SLC9B1: variants seen among roughly 807,000 people sequenced by gnomAD.
SLC9B1 encodes the protein sodium/hydrogen exchanger 9B1.
Under a neutral mutation model 51.7 loss-of-function variants are expected in SLC9B1, and 32 were observed. The ratio of observed to expected loss-of-function variants is 0.62; its 90% confidence interval spans 0.47 to 0.83. The LOEUF (loss-of-function observed/expected upper bound fraction) is 0.83, where lower values mean the gene tolerates loss of function less well. SLC9B1 is among the 40% of genes least tolerant of loss of function. The pLI is 0.00. For synonymous variants in SLC9B1, 145 were observed against 212.7 expected (o/e 0.68, Z 2.77); for missense variants, 406 against 613.2 (o/e 0.66, Z 3.57).
chr4:103,016,134 CAAAAA>C (rs61227731), intron 1 of SLC9B1, among the ~76,000 whole-genome samples: 3 of 49,638 alleles, frequency 6.0e-5, no homozygotes, highest in Non-Finnish European at 1.0e-4. Context: ...AACTCTGTCT[CAAAAA>C]AAAAAAAAAA....
intron 7 of SLC9B1, among the ~76,000 whole-genome samples, chr4:102,928,210 G>C (rs1736284945): frequency 6.6e-6 from 1 of 152,104 alleles, no homozygotes; most frequent in Admixed American, 6.6e-5. Flanking sequence ...CTGTACCCTA[G>C]AACTTAAGGT....
Position 102,949,392 on chromosome 4 carries a change from A to C in SLC9B1, c.247T>G (p.Ser83Ala). The stretch of plus-strand genomic sequence containing the variant: ...GGGAGAGCTTCAGAGCCTAAGATTG[A>C]CCAGGTCATACACCATATCACAAAC... Reference protein sequence around the residue: ...ILFVIWCMTWSILGSEALPGG... With the variant: ...ILFVIWCMTWAILGSEALPGG... Residue 83 changes from serine (S) to alanine (A), a missense_variant, in exon 4 of 12, where the codon TCA becomes GCA. Ser to Ala is a moderately conservative substitution (Grantham distance 99). Coordinates refer to ENST00000296422, the MANE Select transcript of SLC9B1 (RefSeq NM_139173.4). 2 of 1,608,976 alleles carry C rather than the reference A, an allele frequency of 1.2e-6. No individual in the cohort carries two copies. Among genetic ancestry groups the C allele is most frequent in the Non-Finnish European group, 1.7e-6 (2 of 1,178,772 alleles).
chr4:102,982,559 A>T (rs921194734), intron 3 of SLC9B1, among the ~76,000 whole-genome samples: 2 of 152,074 alleles, frequency 1.3e-5, no homozygotes, highest in African/African-American at 4.8e-5. Flanking sequence ...TCTTTTATTT[A>T]TTTCATCAGA....
intron 1 of SLC9B1, among the ~76,000 whole-genome samples, chr4:103,015,944 A>G (rs1741294406): frequency 1.3e-5 from 2 of 151,898 alleles, no homozygotes; most frequent in African/African-American, 4.8e-5. Context: ...CAGCCTGGCC[A>G]TGGTAAAACC....
chr4:103,007,573 T>C (rs1174850085), intron 1 of SLC9B1, among the ~76,000 whole-genome samples: 2 of 151,070 alleles, frequency 1.3e-5, no homozygotes, highest in African/African-American at 4.9e-5. Flanking sequence ...TCTTGGGTAA[T>C]TTACAATCTC....
chr4:102,970,551 C>T (rs181945148), intron 3 of SLC9B1, among the ~76,000 whole-genome samples: 123 of 152,230 alleles, frequency 8.1e-4, no homozygotes, highest in Non-Finnish European at 1.5e-3. Flanking sequence ...TTATAAAGAC[C>T]ATCGATCCTA....
chr4:102,934,422 G>C (rs1430812838), intron 6 of SLC9B1, among the ~76,000 whole-genome samples: 1 of 152,168 alleles, frequency 6.6e-6, no homozygotes, highest in Non-Finnish European at 1.5e-5. Context: ...ATGGTGTTGA[G>C]ATAACTATTT....
intron 7 of SLC9B1, among the ~76,000 whole-genome samples, chr4:102,927,305 G>A (rs1736234011): frequency 1.3e-5 from 2 of 152,134 alleles, no homozygotes; most frequent in Non-Finnish European, 2.9e-5. Context: ...CCATCAGAGT[G>A]AACCAGGCAA....
chr4:102,988,681 A>G (rs1416584531), intron 3 of SLC9B1, among the ~76,000 whole-genome samples: 2 of 152,120 alleles, frequency 1.3e-5, no homozygotes, highest in African/African-American at 4.8e-5. Context: ...TTCAAAAAAG[A>G]GAGTGCAAGA....
chr4:102,989,079 G>A lies in SLC9B1; in HGVS notation c.211+721C>T, dbSNP rs548287800. Among the ~76,000 whole-genome samples the A allele has an allele frequency of 2.6e-5, 4 of 151,802 alleles. No individual in the cohort carries two copies. In the East Asian group the frequency reaches 5.8e-4, roughly 22 times the overall value. The stretch of plus-strand genomic sequence containing the variant: ...GATTCAAGGCCATCAATATACTGAC[G>A]TAAATTAAAAAGCAACCTTTACTAA... On this transcript the variant is annotated intron_variant, in intron 3 of 11. Coordinates refer to ENST00000296422, the MANE Select transcript of SLC9B1 (RefSeq NM_139173.4).
At chr4:103,018,671 G>A (rs1458989185) in intron 1 of SLC9B1, among the ~76,000 whole-genome samples, 1 of 151,698 alleles carries the variant, frequency 6.6e-6, no homozygotes. Flanking sequence ...TAGAGGGGGA[G>A]TGAGGGACCT....
At chr4:102,986,845 T>C (rs1385713247) in intron 3 of SLC9B1, among the ~76,000 whole-genome samples, 5 of 152,220 alleles carry the variant, frequency 3.3e-5, no homozygotes, top group African/African-American at 9.6e-5. Flanking sequence ...CTGTTTATAA[T>C]ACTCATCTGT....
At chr4:102,893,711 G>T (rs1286895055) in intron 11 of SLC9B1, among the ~76,000 whole-genome samples, 1 of 152,074 alleles carries the variant, frequency 6.6e-6, no homozygotes, top group Non-Finnish European at 1.5e-5. Flanking sequence ...ATCACTTAAG[G>T]TCAGGAGTTC....
At chr4:103,005,466 T>G (rs1160060588) in intron 1 of SLC9B1, among the ~76,000 whole-genome samples, 1 of 152,056 alleles carries the variant, frequency 6.6e-6, no homozygotes, top group Non-Finnish European at 1.5e-5. Flanking sequence ...AATAAGTTCT[T>G]AAAGACCTAT....
At chr4:102,981,880 T>C (rs1164377325) in intron 3 of SLC9B1, among the ~76,000 whole-genome samples, 2 of 152,148 alleles carry the variant, frequency 1.3e-5, no homozygotes, top group South Asian at 2.1e-4. Context: ...GGGAACAGCA[T>C]GGAAGAACAT....
intron 11 of SLC9B1, among the ~76,000 whole-genome samples, chr4:102,886,176 C>T (rs1405378063): frequency 6.6e-6 from 1 of 152,060 alleles, no homozygotes; most frequent in African/African-American, 2.4e-5. Context: ...ACAGTGTGAT[C>T]CCAATTTTGT....
chr4:102,906,331 T>G (rs11722779), intron 10 of SLC9B1: 165,595 of 305,680 alleles, frequency 0.54, 46,815 homozygotes, highest in African/African-American at 0.78. Flanking sequence ...ACTCAGGGAA[T>G]ATATTCAGGG....
At chr4:102,968,923 G>A (rs1738585101) in intron 3 of SLC9B1, among the ~76,000 whole-genome samples, 1 of 152,210 alleles carries the variant, frequency 6.6e-6, no homozygotes, top group South Asian at 2.1e-4. Context: ...ACAGAGCCTT[G>A]CTTACTGCTA....
At chr4:102,943,049 T>A (rs915699567) in intron 6 of SLC9B1, among the ~76,000 whole-genome samples, 3 of 151,506 alleles carry the variant, frequency 2.0e-5, no homozygotes, top group Non-Finnish European at 4.4e-5. Flanking sequence ...AAAGAAGATA[T>A]ATAAATGGCC....
Sources: allele counts gnomAD v4.1 joint callset (sites outside exome capture counted in the v4.1 genomes callset), GRCh38; gene constraint gnomAD v4.1.1; transcripts MANE v1.5; gene names NCBI Gene and HGNC (gene_info 2026-07-23, HGNC 2026-07-21).